The following MCMBP variants were observed in gnomAD, a reference collection of about 807,000 sequenced individuals.
MCMBP encodes mini-chromosome maintenance complex-binding protein.
In MCMBP, 31 loss-of-function variants were observed where a neutral mutation model predicts 81.3. The observed-to-expected ratio is 0.38, with a 90% CI of 0.29 to 0.51. MCMBP has a LOEUF of 0.51. MCMBP is among the 20% of genes least tolerant of loss of function. The probability of loss-of-function intolerance (pLI) is 0.87; values close to 1 mark genes in which losing one functional copy is unlikely to be tolerated. For missense variants in MCMBP, 645 were observed against 772.1 expected (o/e 0.84, Z 1.95); for synonymous variants, 267 against 275.9 (o/e 0.97, Z 0.32).
At chr10:119,853,017 A>G in intron 6 of MCMBP, 33 bp downstream of exon 6, 1 of 1,610,884 alleles carries the variant, frequency 6.2e-7, no homozygotes, top group Non-Finnish European at 8.5e-7. Context: ...GTAAGAGAGC[A>G]AAGTCTAGAG....
rs1852662576 is a variant in MCMBP at position 119,847,610 on chromosome 10, C to T, written c.827+3G>A. 1.3e-6 allele frequency: 2 copies of T among 1,565,482 alleles called. No homozygotes were observed. Among genetic ancestry groups the T allele is most frequent in the Non-Finnish European group, 1.7e-6 (2 of 1,143,238 alleles). ...AGACCAAAAAAAGAGCACACAGACT[C>T]ACCTTTCATCATTATTCAGTATACT... On this transcript the variant is annotated splice_donor_region_variant and intron_variant, in intron 8 of 15. Transcript: ENST00000369077.
chr10:119,862,081 CG>C (rs1853277197), intron 1 of MCMBP, among the ~76,000 whole-genome samples: 1 of 152,096 alleles, frequency 6.6e-6, no homozygotes. Flanking sequence ...CCAAGGCAGG[CG>C]GATCACCTGA....
At position 119,829,842 on chromosome 10, in the gene MCMBP, T is replaced by G. The variant is rs1003816964; in HGVS notation, c.*1632A>C. The G allele has an allele frequency of 6.6e-6, 1 of 152,234 alleles. No individual in the cohort carries two copies. Among genetic ancestry groups the G allele is most frequent in the Non-Finnish European group, 1.5e-5 (1 of 68,036 alleles). 9.4% of individuals were successfully genotyped at this position (152,234 alleles called of 1,614,324 possible). A position where few individuals can be genotyped will look rare whatever the true frequency, so the allele number is the denominator to read the frequency against. On this transcript the variant is annotated 3_prime_UTR_variant, in exon 16 of 16. Coordinates refer to ENST00000369077, the MANE Select transcript of MCMBP (RefSeq NM_001256378.2). ...TTGGAAAGGTTCTTTCAAGGGAACT[T>G]TTCTGCAAGACCAAGCAATGTATGT...
At position 119,840,870 on chromosome 10, in the gene MCMBP, A is replaced by G. The variant is rs371982155; in HGVS notation, c.1215T>C (p.Tyr405=). The G allele has an allele frequency of 2.5e-6, 4 of 1,604,506 alleles. No individual in the cohort carries two copies. Among genetic ancestry groups the G allele is most frequent in the African/African-American group, 1.3e-5 (1 of 74,682 alleles). Residue 405 remains tyrosine, a synonymous_variant, in exon 11 of 16, where the codon TAT becomes TAC. Transcript: ENST00000369077. The stretch of plus-strand genomic sequence containing the variant: ...CTGGAACAAGATGTTGAATAATTCG[A>G]TACAAGTGTTCTGTGAAGGTACTAT... ...PRNSTFTEHL[Y]RIIQHLVPAS... is the part of the protein sequence containing the mutation.
intron 1 of MCMBP, among the ~76,000 whole-genome samples, chr10:119,871,571 G>A (rs551551167): frequency 6.6e-6 from 1 of 152,228 alleles, no homozygotes; most frequent in South Asian, 2.1e-4. Flanking sequence ...ATTGTTTGCC[G>A]TCGATTTTGG....
At chr10:119,866,855 C>T (rs945951940) in intron 1 of MCMBP, among the ~76,000 whole-genome samples, 4 of 151,126 alleles carry the variant, frequency 2.6e-5, no homozygotes, top group African/African-American at 7.3e-5. Flanking sequence ...CCCAACTACT[C>T]GGGAGGCTGA....
At chr10:119,846,018 G>A (rs7072901) in intron 8 of MCMBP, among the ~76,000 whole-genome samples, 16,556 of 152,166 alleles carry the variant, frequency 0.11, 953 homozygotes, top group South Asian at 0.17. Context: ...AAATGTGGGT[G>A]CGTATATATG....
chr10:119,866,757 T>G (rs1372262554), intron 1 of MCMBP, among the ~76,000 whole-genome samples: 2 of 152,072 alleles, frequency 1.3e-5, no homozygotes, highest in African/African-American at 4.8e-5. Context: ...AAAAAAAATT[T>G]TTTTGGACCA....
At chr10:119,842,929 T>A (rs1852485732) in intron 9 of MCMBP, 1 of 373,912 alleles carries the variant, frequency 2.7e-6, no homozygotes, top group Non-Finnish European at 5.1e-6. Flanking sequence ...AATTTTGTAT[T>A]TTTAGTAGAG....
At chr10:119,863,728 CAAAAAAAAAAAAAAAAAAAAA>C (rs57266961) in intron 1 of MCMBP, among the ~76,000 whole-genome samples, 5 of 20,204 alleles carry the variant, frequency 2.5e-4, no homozygotes, top group Non-Finnish European at 3.3e-4. Context: ...GGCTCAGACT[CAAAAAAAAAAAAAAAAAAAAA>C]AAAAAAAAAA....
chr10:119,860,218 C>T (rs559196297), intron 1 of MCMBP, among the ~76,000 whole-genome samples: 2 of 152,308 alleles, frequency 1.3e-5, no homozygotes, highest in East Asian at 3.9e-4. Flanking sequence ...ATATGAAGCA[C>T]TGCTTGTAAA....
intron 5 of MCMBP, 115 bp from the exon 6 acceptor site, chr10:119,853,309 A>G (rs1852898458): frequency 1.8e-6 from 2 of 1,106,046 alleles, no homozygotes; most frequent in South Asian, 1.6e-5. Flanking sequence ...AATAGAATGC[A>G]TTTTCATAAA....
At chr10:119,867,381 T>G (rs1256248482) in intron 1 of MCMBP, among the ~76,000 whole-genome samples, 1 of 152,112 alleles carries the variant, frequency 6.6e-6, no homozygotes, top group Non-Finnish European at 1.5e-5. Flanking sequence ...CATGTTGATT[T>G]TTTTTAAAAC....
chr10:119,836,633 G>C (rs1283313300), intron 13 of MCMBP, among the ~76,000 whole-genome samples: 2 of 152,168 alleles, frequency 1.3e-5, no homozygotes, highest in African/African-American at 4.8e-5. Flanking sequence ...GCTCAGATGT[G>C]GGTGTTTCTG....
chr10:119,838,531 G>A lies in MCMBP; in HGVS notation c.1408+4C>T, dbSNP rs745710514. 1.8e-5 allele frequency: 29 copies of A among 1,612,630 alleles called. No individual in the cohort carries two copies. The highest frequency in any genetic ancestry group is 1.5e-4 in the Admixed American group (9 of 59,870). ...AAATGGAAGAGAAACATCTATGTAC[G>A]TACCTGGGGTATCCAGCTGCCCCTG... On this transcript the variant is annotated splice_donor_region_variant and intron_variant, in intron 12 of 15. Coordinates refer to ENST00000369077, the MANE Select transcript of MCMBP (RefSeq NM_001256378.2).
At chr10:119,842,126 T>C (rs1852455676) in intron 10 of MCMBP, among the ~76,000 whole-genome samples, 1 of 152,152 alleles carries the variant, frequency 6.6e-6, no homozygotes, top group Non-Finnish European at 1.5e-5. Flanking sequence ...ATCTAACTAA[T>C]GCCTGATGTT....
chr10:119,859,009 T>C, intron 3 of MCMBP, 32 bp downstream of exon 3: 1 of 1,611,746 alleles, frequency 6.2e-7, no homozygotes, highest in Non-Finnish European at 8.5e-7. Flanking sequence ...ACAAAATTAA[T>C]ACCACAAATT....
intron 1 of MCMBP, among the ~76,000 whole-genome samples, chr10:119,870,482 A>C (rs1009156233): frequency 6.6e-6 from 1 of 152,156 alleles, no homozygotes; most frequent in Non-Finnish European, 1.5e-5. Flanking sequence ...AAAATACACA[A>C]CAAAACTTAA....
At chr10:119,846,230 C>T (rs988480430) in intron 8 of MCMBP, among the ~76,000 whole-genome samples, 6 of 152,078 alleles carry the variant, frequency 3.9e-5, no homozygotes, top group African/African-American at 1.4e-4. Flanking sequence ...TAAAGTGGCT[C>T]CCACTAGCCA....
Sources: gnomAD v4.1 joint callset for allele counts (sites outside exome capture counted in the v4.1 genomes callset) on GRCh38, gnomAD v4.1.1 for gene constraint, MANE v1.5 for transcripts, NCBI Gene and HGNC (gene_info 2026-07-23, HGNC 2026-07-21) for gene names.